Variants in CSMD1 observed in about 807,000 individuals in gnomAD.
CSMD1 encodes CUB and Sushi multiple domains 1.
In CSMD1, 213 loss-of-function variants were observed where a neutral mutation model predicts 417.5. The observed-to-expected ratio is 0.51, with a 90% CI of 0.46 to 0.57. CSMD1 has a LOEUF of 0.57. CSMD1 is among the 20% of genes least tolerant of loss of function. The probability of loss-of-function intolerance (pLI) is 0.00; values close to 1 mark genes in which losing one functional copy is unlikely to be tolerated. For missense variants in CSMD1, 6,923 were observed against 4,529.7 expected, an observed-to-expected ratio of 1.53 and a Z score of -15.17; for synonymous variants, 2,862 against 1,736.8, an observed-to-expected ratio of 1.65 and a Z score of -16.11.
At chr8:4,577,536 G>C (rs966568137) in intron 2 of CSMD1, among the ~76,000 whole-genome samples, 1 of 152,120 alleles carries the variant, frequency 6.6e-6, no homozygotes, top group Non-Finnish European at 1.5e-5. Context: ...ACAGGCTCCA[G>C]TGTGGCCCAC....
intron 5 of CSMD1, among the ~76,000 whole-genome samples, chr8:3,953,850 T>C (rs767734687): frequency 1.2e-4 from 19 of 152,128 alleles, no homozygotes; most frequent in African/African-American, 3.6e-4. Flanking sequence ...GAGAGCCTAA[T>C]GTTCTGGGTG....
At chr8:4,745,466 T>C (rs1455638940) in intron 1 of CSMD1, among the ~76,000 whole-genome samples, 1 of 152,202 alleles carries the variant, frequency 6.6e-6, no homozygotes, top group Non-Finnish European at 1.5e-5. Flanking sequence ...TAGATACTAT[T>C]TAACACTGTG....
intron 3 of CSMD1, among the ~76,000 whole-genome samples, chr8:4,116,818 T>C (rs1458667007): frequency 2.3e-5 from 3 of 132,772 alleles, no homozygotes; most frequent in Non-Finnish European, 3.3e-5. Context: ...CTCTAAAAAA[T>C]AGGGTCTATT....
chr8:3,579,107 T>C (rs1800273469), intron 9 of CSMD1, among the ~76,000 whole-genome samples: 1 of 152,326 alleles, frequency 6.6e-6, no homozygotes, highest in South Asian at 2.1e-4. Context: ...CTTGGCAGTT[T>C]TCCAGACCTG....
At chr8:4,081,742 A>G (rs1034511931) in intron 3 of CSMD1, among the ~76,000 whole-genome samples, 11 of 152,362 alleles carry the variant, frequency 7.2e-5, no homozygotes, top group African/African-American at 2.4e-4. Context: ...AAAGGTAACA[A>G]GAGTATTTTT....
chr8:3,349,325 A>G (rs1312089942), intron 21 of CSMD1, among the ~76,000 whole-genome samples: 1 of 152,164 alleles, frequency 6.6e-6, no homozygotes, highest in African/African-American at 2.4e-5. Context: ...CAGCTACATC[A>G]CTGGCCATGA....
chr8:4,360,931 C>G (rs1260855663), intron 3 of CSMD1, among the ~76,000 whole-genome samples: 1 of 152,236 alleles, frequency 6.6e-6, no homozygotes, highest in South Asian at 2.1e-4. Flanking sequence ...AGGTGAATTT[C>G]TTTTTAATCA....
chr8:3,704,561 C>G (rs951511542), intron 7 of CSMD1, among the ~76,000 whole-genome samples: 5 of 152,150 alleles, frequency 3.3e-5, no homozygotes, highest in Non-Finnish European at 7.3e-5. Context: ...CTCATAAAAG[C>G]TTTGTAATTC....
intron 3 of CSMD1, among the ~76,000 whole-genome samples, chr8:4,075,507 G>A (rs1032485013): frequency 9.2e-5 from 14 of 152,002 alleles, no homozygotes; most frequent in African/African-American, 3.1e-4. Context: ...GAATTTCGTG[G>A]GAATTGATAA....
At chr8:2,950,963 C>T (rs887765684) in intron 66 of CSMD1, 151 bp downstream of exon 66, 25 of 648,766 alleles carry the variant, frequency 3.9e-5, no homozygotes, top group South Asian at 1.1e-4. Context: ...CAACCTCTCA[C>T]GGCTAGGGAG....
chr8:3,689,447 T>G (rs1800119421), intron 7 of CSMD1, among the ~76,000 whole-genome samples: 1 of 152,202 alleles, frequency 6.6e-6, no homozygotes, highest in South Asian at 2.1e-4. Flanking sequence ...TAGAAGTAAT[T>G]ATGGATAGAC....
chr8:3,247,281 C>G (rs1447503134), intron 26 of CSMD1, among the ~76,000 whole-genome samples: 1 of 152,202 alleles, frequency 6.6e-6, no homozygotes, highest in East Asian at 1.9e-4. Flanking sequence ...AGTCCTCAGG[C>G]TCCCTGGAGA....
intron 3 of CSMD1, among the ~76,000 whole-genome samples, chr8:4,415,668 G>A (rs979182067): frequency 6.6e-6 from 1 of 152,062 alleles, no homozygotes; most frequent in Non-Finnish European, 1.5e-5. Flanking sequence ...ACTCAGTATT[G>A]TGTCTCTGGT....
intron 5 of CSMD1, among the ~76,000 whole-genome samples, chr8:3,756,280 G>T (rs1208684270): frequency 6.6e-6 from 1 of 151,574 alleles, no homozygotes; most frequent in African/African-American, 2.4e-5. Flanking sequence ...GTGAACCTGG[G>T]AGGCAGAGCT....
At chr8:4,601,902 T>TA (rs2130766444) in intron 2 of CSMD1, among the ~76,000 whole-genome samples, 1 of 152,252 alleles carries the variant, frequency 6.6e-6, no homozygotes, top group East Asian at 1.9e-4. Context: ...ACCGTCTACA[T>TA]AGAGTGTGAA....
At chr8:4,463,863 G>A (rs921835532) in intron 2 of CSMD1, among the ~76,000 whole-genome samples, 1 of 152,114 alleles carries the variant, frequency 6.6e-6, no homozygotes, top group East Asian at 1.9e-4. Context: ...AAGCACTGAA[G>A]AGTACACTTC....
chr8:4,280,255 A>T (rs983860979), intron 3 of CSMD1, among the ~76,000 whole-genome samples: 1 of 152,236 alleles, frequency 6.6e-6, no homozygotes, highest in Non-Finnish European at 1.5e-5. Context: ...AGCTTTGTAT[A>T]TTGCAGTATT....
intron 3 of CSMD1, among the ~76,000 whole-genome samples, chr8:4,034,561 G>A (rs945661925): frequency 3.9e-5 from 6 of 152,094 alleles, no homozygotes; most frequent in African/African-American, 9.7e-5. Context: ...CATTTTATCA[G>A]GGCAGCCCTT....
chr8:4,066,723 C>A (rs534722768), intron 3 of CSMD1, among the ~76,000 whole-genome samples: 1 of 152,010 alleles, frequency 6.6e-6, no homozygotes, highest in Non-Finnish European at 1.5e-5. Flanking sequence ...TTGTTTGGGA[C>A]GAGAGTGAAG....
Sources: allele counts gnomAD v4.1 joint callset (sites outside exome capture counted in the v4.1 genomes callset), GRCh38; gene constraint gnomAD v4.1.1; transcripts MANE v1.5; gene names NCBI Gene and HGNC (gene_info 2026-07-23, HGNC 2026-07-21).